Variants in CALD1 observed in about 807,000 individuals in gnomAD.
CALD1 encodes caldesmon 1.
In CALD1, 33 loss-of-function variants were observed where a neutral mutation model predicts 99.9. The observed-to-expected ratio is 0.33, with a 90% CI of 0.25 to 0.44. The LOEUF (loss-of-function observed/expected upper bound fraction) is 0.44, where lower values mean the gene tolerates loss of function less well. CALD1 is among the 20% of genes least tolerant of loss of function. The pLI is 1.00. For synonymous variants in CALD1, 310 were observed against 325.0 expected (o/e 0.95, Z 0.50); for missense variants, 861 against 962.1 (o/e 0.89, Z 1.39).
At chr7:134,749,782 G>A (rs1021659062) in intron 1 of CALD1, among the ~76,000 whole-genome samples, 1 of 152,168 alleles carries the variant, frequency 6.6e-6, no homozygotes, top group Non-Finnish European at 1.5e-5. Flanking sequence ...CCAGAAAACA[G>A]CAGTAAGGTT....
In CALD1 at chr7:134,941,215, A is replaced by G; in HGVS notation, c.1510A>G (p.Lys504Glu). Residue 504 changes from lysine (K) to glutamate (E), a missense_variant, in exon 7 of 15, where the codon AAA becomes GAA. Lys to Glu is a moderately conservative substitution (Grantham distance 56). This residue lies in a region of CALD1 where 293 missense variants were observed against 262.7 expected (regional missense o/e 1.12). Transcript: ENST00000361675. Reference sequence around the variant, plus strand: ...TGGAGAATTCATGACCCACAAACTTAAACATACTGAGAATACTTTCAGGTA... The same window carrying G: ...TGGAGAATTCATGACCCACAAACTTGAACATACTGAGAATACTTTCAGGTA... ...QNGEFMTHKL[K>E]HTENTFSRPG... The G allele has an allele frequency of 6.2e-7, 1 of 1,608,374 alleles. No homozygotes were observed. The highest frequency in any genetic ancestry group is 2.2e-5 in the East Asian group (1 of 44,832).
the CALD1 span, among the ~76,000 whole-genome samples, chr7:134,719,699 C>A: frequency 1.5e-3 from 229 of 152,232 alleles, 2 homozygotes; most frequent in African/African-American, 5.2e-3. Flanking sequence ...TTTGCTTGGA[C>A]GTCAACGGCC....
At chr7:134,781,748 G>A (rs896275619) in intron 1 of CALD1, among the ~76,000 whole-genome samples, 2 of 152,200 alleles carry the variant, frequency 1.3e-5, no homozygotes, top group Non-Finnish European at 2.9e-5. Flanking sequence ...TCAAGTATTC[G>A]AAGCAAATAG....
intron 3 of CALD1, chr7:134,891,600 C>A: frequency 1.9e-6 from 3 of 1,604,058 alleles, no homozygotes; most frequent in South Asian, 1.1e-5. Flanking sequence ...TCTGCCCCGC[C>A]GCCCCTTCCC....
chr7:134,887,585 T>G (rs1801917702), intron 3 of CALD1, among the ~76,000 whole-genome samples: 1 of 151,872 alleles, frequency 6.6e-6, no homozygotes, highest in Non-Finnish European at 1.5e-5. Context: ...ATGTTATGTG[T>G]GTGCATGTGT....
intron 9 of CALD1, among the ~76,000 whole-genome samples, chr7:134,952,578 CT>C (rs1807438953): frequency 1.3e-5 from 2 of 151,530 alleles, no homozygotes; most frequent in South Asian, 4.2e-4. Flanking sequence ...TCAAGCGATT[CT>C]TCTGCCTCAG....
intron 3 of CALD1, among the ~76,000 whole-genome samples, chr7:134,881,205 A>G (rs972712336): frequency 6.6e-6 from 1 of 152,192 alleles, no homozygotes; most frequent in Non-Finnish European, 1.5e-5. Context: ...TGGAAGCCCA[A>G]ATCATTGGAC....
At chr7:134,730,747 G>A in the CALD1 span, among the ~76,000 whole-genome samples, 1 of 152,154 alleles carries the variant, frequency 6.6e-6, no homozygotes, top group Non-Finnish European at 1.5e-5. Context: ...AATGGAGATG[G>A]TAACTTTAGG....
chr7:134,754,590 A>T (rs1445920357), intron 1 of CALD1, among the ~76,000 whole-genome samples: 2 of 152,154 alleles, frequency 1.3e-5, no homozygotes, highest in Non-Finnish European at 2.9e-5. Context: ...GGACTGCTTG[A>T]CATACAAGAA....
Position 134,933,254 on chromosome 7 carries a change from T to C in CALD1, c.485T>C (p.Ile162Thr), listed in dbSNP as rs749282836. ...GAAAGTCGCCAAGAAAGATACGAGA[T>C]AGAGGAAACAGAAACAGTCACCAAG... ...KSESRQERYE[I>T]EETETVTKSY... Residue 162 changes from isoleucine (I) to threonine (T), a missense_variant, in exon 5 of 15, where the codon ATA becomes ACA. By Grantham distance (89) the Ile-to-Thr change is moderately conservative (BLOSUM62 -1). Around this residue, in one of 5 missense-constraint regions of CALD1, gnomAD observed 234 missense variants for 233.1 expected, o/e 1.00. Coordinates refer to ENST00000361675, the MANE Select transcript of CALD1 (RefSeq NM_033138.4). 1.3e-6 allele frequency: 2 copies of C among 1,540,602 alleles called. No individual in the cohort carries two copies. The highest frequency in any genetic ancestry group is 1.2e-5 in the South Asian group (1 of 85,306).
chr7:134,957,313 T>C lies in CALD1; in HGVS notation c.1936-756T>C, dbSNP rs1018328351. On this transcript the variant is annotated intron_variant, in intron 9 of 14. Coordinates refer to ENST00000361675, the MANE Select transcript of CALD1 (RefSeq NM_033138.4). ...ACATACCAAATACATAGTTAAAACA[T>C]TATGGGAAAATTTTGTTACTCGAAT... is the stretch of plus-strand genomic sequence containing the variant. Among the ~76,000 whole-genome samples, 6 of 152,298 alleles carry C rather than the reference T, an allele frequency of 3.9e-5. No individual in the cohort carries two copies. The East Asian group carries it at 7.7e-4, about 20-fold the overall frequency.
the CALD1 span, among the ~76,000 whole-genome samples, chr7:134,711,564 C>T: frequency 5.5e-4 from 84 of 151,712 alleles, no homozygotes; most frequent in Non-Finnish European, 6.9e-4. Context: ...CTGCCTGCTG[C>T]GCAGACTTCA....
At chr7:134,945,504 G>A (rs924549038) in intron 7 of CALD1, among the ~76,000 whole-genome samples, 1 of 152,140 alleles carries the variant, frequency 6.6e-6, no homozygotes, top group Non-Finnish European at 1.5e-5. Flanking sequence ...ATCATGGCTC[G>A]ACTGCTTTCT....
chr7:134,866,441 G>A (rs970873725), intron 2 of CALD1, among the ~76,000 whole-genome samples: 1 of 152,024 alleles, frequency 6.6e-6, no homozygotes, highest in African/African-American at 2.4e-5. Context: ...ATAAAAAAGG[G>A]GAAAAATTCA....
At position 134,947,587 on chromosome 7, in the gene CALD1, G is replaced by A; in HGVS notation, c.1612G>A (p.Glu538Lys). Residue 538 changes from glutamate to lysine, a missense_variant, in exon 8 of 15, where the codon GAG (glutamate) becomes AAG (lysine). This residue lies in a region of CALD1 where 293 missense variants were observed against 262.7 expected (regional missense o/e 1.12). Coordinates refer to ENST00000361675, the MANE Select transcript of CALD1 (RefSeq NM_033138.4). ...GGTGGAAGCCGGCAAAAGGCTGGAGGAGCTTCGTCGTCGTCGCGGGGAGAC... is the reference window on the plus strand; with the variant it reads ...GGTGGAAGCCGGCAAAAGGCTGGAGAAGCTTCGTCGTCGTCGCGGGGAGAC... ...PQVEAGKRLEELRRRRGETES... is the reference protein window; with the variant it reads ...PQVEAGKRLEKLRRRRGETES... 1 of 1,561,130 alleles carries A rather than the reference G, an allele frequency of 6.4e-7. No individual in the cohort carries two copies. The highest frequency in any genetic ancestry group is 2.4e-5 in the East Asian group (1 of 41,488).
At chr7:134,733,135 A>C in the CALD1 span, among the ~76,000 whole-genome samples, 2 of 152,240 alleles carry the variant, frequency 1.3e-5, no homozygotes, top group African/African-American at 4.8e-5. Flanking sequence ...GGAGCGGCAG[A>C]TAGGATCAAA....
chr7:134,862,085 TA>T (rs1375088817), intron 2 of CALD1, among the ~76,000 whole-genome samples: 1 of 152,242 alleles, frequency 6.6e-6, no homozygotes, highest in Non-Finnish European at 1.5e-5. Flanking sequence ...TTGATAATTC[TA>T]TGATTTAAAC....
intron 12 of CALD1, 42 bp downstream of exon 12, chr7:134,960,153 T>G: frequency 6.3e-7 from 1 of 1,597,352 alleles, no homozygotes; most frequent in South Asian, 1.1e-5. Flanking sequence ...GAGGGGCATA[T>G]TTTTTTGCAT....
In CALD1 at chr7:134,958,127, T is replaced by C. The variant is rs920352522; in HGVS notation, c.1979+15T>C. 1.2e-5 allele frequency: 19 copies of C among 1,609,806 alleles called. No homozygotes were observed. In the Admixed American group the frequency reaches 1.3e-4, roughly 11 times the overall value. On this transcript the variant is annotated intron_variant, in intron 10 of 14. Coordinates refer to ENST00000361675, the MANE Select transcript of CALD1 (RefSeq NM_033138.4). ...GTGCAGAAAAGGTAAATATGCTTGA[T>C]GGTTCAATTGAGCTAATCAGCTAGC...
Sources: gnomAD v4.1 joint callset for allele counts (sites outside exome capture counted in the v4.1 genomes callset) on GRCh38, gnomAD v4.1.1 for gene constraint, gnomAD v4.1.1 regional missense constraint, MANE v1.5 for transcripts, NCBI Gene and HGNC (gene_info 2026-07-23, HGNC 2026-07-21) for gene names.